Variants in NCAM1 observed in about 807,000 individuals in gnomAD.
NCAM1 encodes the protein antigen recognized by monoclonal antibody 5.1H11.
NCAM1 carries 14 observed loss-of-function variants against 109.8 expected under a neutral mutation model. That is an observed-to-expected ratio of 0.13 (90% confidence interval 0.08 to 0.20). NCAM1 has a LOEUF of 0.20. Ranked by LOEUF, NCAM1 falls within the 10% of genes least tolerant of loss-of-function variation. The pLI, the probability that NCAM1 is intolerant of heterozygous loss-of-function variation, is 1.00. For missense variants in NCAM1, 774 were observed against 1,109.9 expected (o/e 0.70, Z 4.30); for synonymous variants, 418 against 442.9 (o/e 0.94, Z 0.70).
Position 113,204,593 on chromosome 11 carries a change from G to A in NCAM1, c.346+89G>A, listed in dbSNP as rs532681601. 44 of 1,336,114 alleles carry A rather than the reference G, an allele frequency of 3.3e-5. No homozygotes were observed. The South Asian group carries it at 5.2e-4, about 16-fold the overall frequency. 82.8% of individuals were successfully genotyped at this position (1,336,114 alleles called of 1,614,324 possible). ...TGGAAAGGTGGAAATGATGACAGAA[G>A]GACCAGCTGAGGGCCTAACCAGTCC... On this transcript the variant is annotated intron_variant, in intron 3 of 19. Transcript: ENST00000316851.
intron 1 of NCAM1, among the ~76,000 whole-genome samples, chr11:112,990,685 T>G (rs574812138): frequency 1.3e-5 from 2 of 152,058 alleles, no homozygotes; most frequent in Admixed American, 6.5e-5. Context: ...TGGGTGTGAT[T>G]TTTTCTGGGT....
At chr11:113,060,419 C>T (rs965813443) in intron 1 of NCAM1, among the ~76,000 whole-genome samples, 1 of 152,206 alleles carries the variant, frequency 6.6e-6, no homozygotes, top group Non-Finnish European at 1.5e-5. Flanking sequence ...CTTTAATCAA[C>T]ACCTCTCCAT....
At chr11:113,087,192 A>G (rs560698121) in intron 1 of NCAM1, among the ~76,000 whole-genome samples, 1 of 152,324 alleles carries the variant, frequency 6.6e-6, no homozygotes, top group South Asian at 2.1e-4. Flanking sequence ...GGTAATGCAT[A>G]TGAGAATCAC....
chr11:113,212,548 C>T (rs1377144162), intron 7 of NCAM1, among the ~76,000 whole-genome samples: 1 of 152,134 alleles, frequency 6.6e-6, no homozygotes, highest in Non-Finnish European at 1.5e-5. Flanking sequence ...CAGAGTCTGA[C>T]AAGATTTTAA....
At chr11:113,127,792 G>C (rs782767353) in intron 1 of NCAM1, among the ~76,000 whole-genome samples, 1 of 152,166 alleles carries the variant, frequency 6.6e-6, no homozygotes, top group African/African-American at 2.4e-5. Context: ...GAAATAGTCC[G>C]GTGGTTCTCA....
At chr11:113,192,324 A>G (rs1446714503) in intron 1 of NCAM1, among the ~76,000 whole-genome samples, 2 of 152,224 alleles carry the variant, frequency 1.3e-5, no homozygotes, top group African/African-American at 2.4e-5. Flanking sequence ...CTGAGTTCCA[A>G]ACATCAATTT....
chr11:113,221,238 C>A, intron 8 of NCAM1, 58 bp from the exon 9 acceptor site: 2 of 1,527,828 alleles, frequency 1.3e-6, no homozygotes, highest in Non-Finnish European at 1.8e-6. Context: ...TTCTCTAAAG[C>A]AACATGTTGT....
chr11:113,027,575 G>A (rs782043143), intron 1 of NCAM1, among the ~76,000 whole-genome samples: 6 of 152,106 alleles, frequency 3.9e-5, no homozygotes, highest in Non-Finnish European at 7.3e-5. Context: ...TAAATTGTTG[G>A]TGTAGATAAG....
intron 1 of NCAM1, among the ~76,000 whole-genome samples, chr11:113,086,172 C>T (rs1257041533): frequency 6.6e-6 from 1 of 152,126 alleles, no homozygotes. Flanking sequence ...AGGGGCTGAG[C>T]CTTGGAAGGC....
intron 1 of NCAM1, among the ~76,000 whole-genome samples, chr11:113,195,910 GGTGTGTGTGTGT>G (rs58873545): frequency 6.7e-6 from 1 of 148,400 alleles, no homozygotes; most frequent in African/African-American, 2.5e-5. Context: ...TTGTTTGCAG[GGTGTGTGTGTGT>G]GTGTGTGTGT....
chr11:113,011,361 A>C (rs1481884798), intron 1 of NCAM1, among the ~76,000 whole-genome samples: 1 of 151,428 alleles, frequency 6.6e-6, no homozygotes, highest in Non-Finnish European at 1.5e-5. Flanking sequence ...CCAGTCTATC[A>C]TTGTTGGACA....
intron 1 of NCAM1, among the ~76,000 whole-genome samples, chr11:113,082,721 C>T (rs531245136): frequency 2.6e-5 from 4 of 152,128 alleles, no homozygotes; most frequent in Non-Finnish European, 5.9e-5. Context: ...AGGACAATGC[C>T]GGATCATGTC....
chr11:112,990,183 T>C (rs1272916218), intron 1 of NCAM1, among the ~76,000 whole-genome samples: 1 of 152,202 alleles, frequency 6.6e-6, no homozygotes, highest in African/African-American at 2.4e-5. Context: ...CTTTACAGTC[T>C]GTAGAGAGCA....
intron 1 of NCAM1, among the ~76,000 whole-genome samples, chr11:113,070,022 A>G (rs555977188): frequency 1.3e-5 from 2 of 152,234 alleles, no homozygotes; most frequent in South Asian, 2.1e-4. Context: ...TGGGTTGGAG[A>G]TGTGAATACA....
chr11:113,072,687 A>C (rs1676287949), intron 1 of NCAM1, among the ~76,000 whole-genome samples: 1 of 150,682 alleles, frequency 6.6e-6, no homozygotes, highest in African/African-American at 2.4e-5. Flanking sequence ...CTCAGTATGC[A>C]TACTTGAGAC....
chr11:113,256,746 C>A (rs1377761347), intron 16 of NCAM1, among the ~76,000 whole-genome samples: 2 of 152,142 alleles, frequency 1.3e-5, no homozygotes, highest in African/African-American at 4.8e-5. Flanking sequence ...CTGAAAATCA[C>A]CCTTTCCATT....
chr11:113,176,890 C>T (rs528200554), intron 1 of NCAM1, among the ~76,000 whole-genome samples: 10 of 152,234 alleles, frequency 6.6e-5, no homozygotes, highest in African/African-American at 2.4e-4. Flanking sequence ...AAAGCTGGCC[C>T]ATCAACTTCT....
chr11:113,230,974 G>A (rs782340846), intron 9 of NCAM1, among the ~76,000 whole-genome samples: 47 of 152,300 alleles, frequency 3.1e-4, no homozygotes, highest in Middle Eastern at 3.4e-3. Flanking sequence ...TGGCCAAGGT[G>A]TCAAGGATCC....
intron 1 of NCAM1, among the ~76,000 whole-genome samples, chr11:113,063,446 C>T (rs1052316894): frequency 6.6e-6 from 1 of 152,194 alleles, no homozygotes; most frequent in South Asian, 2.1e-4. Flanking sequence ...ACTGACATTC[C>T]ACCCACTAGC....
Sources: allele counts gnomAD v4.1 joint callset (sites outside exome capture counted in the v4.1 genomes callset), GRCh38; gene constraint gnomAD v4.1.1; transcripts MANE v1.5; gene names NCBI Gene and HGNC (gene_info 2026-07-23, HGNC 2026-07-21).